ZNF316: variants seen among roughly 807,000 people sequenced by gnomAD.
The protein encoded by ZNF316 is zinc finger protein 316.
Under a neutral mutation model 75.6 loss-of-function variants are expected in ZNF316, and 23 were observed. The observed-to-expected ratio is 0.30, with a 90% confidence interval of 0.22 to 0.43. ZNF316 has a LOEUF of 0.43. ZNF316 is among the 20% of genes least tolerant of loss of function. The pLI is 1.00. For missense variants in ZNF316, 1,266 were observed against 1,409.4 expected (o/e 0.90, Z 1.63); for synonymous variants, 827 against 666.2 (o/e 1.24, Z -3.72).
chr7:6,649,018 G>A lies in ZNF316; in HGVS notation c.707-3285G>A, dbSNP rs892242051. On this transcript the variant is annotated intron_variant, in intron 8 of 8. Coordinates refer to ENST00000382252, the MANE Select transcript of ZNF316 (RefSeq NM_001278559.2). ...ATTCCCTTGCACCCAGCCTGCTGGG[G>A]TGGTCTCCCTCTCCATCAGCTCCTG... Among the ~76,000 whole-genome samples the A allele has an allele frequency of 1.2e-4, 18 of 152,264 alleles. 2 individuals are homozygous for A. The highest frequency in any genetic ancestry group is 5.2e-4 in the Admixed American group (8 of 15,298).
At position 6,654,006 on chromosome 7, in the gene ZNF316, G is replaced by T. The variant is rs1779569589; in HGVS notation, c.2410G>T (p.Ala804Ser). Residue 804 changes from alanine (A) to serine (S), a missense_variant, in exon 9 of 9, where the codon GCG becomes TCG. Transcript: ENST00000382252. ...GRAHTGERPYACGECGRRFGQ... is the reference protein window; with the variant it reads ...GRAHTGERPYSCGECGRRFGQ... ...CGCGCACACCGGGGAGCGGCCTTAC[G>T]CGTGTGGAGAGTGCGGCCGGCGCTT... is the stretch of plus-strand genomic sequence containing the variant. 1.7e-6 allele frequency: 2 copies of T among 1,187,098 alleles called. No individual in the cohort carries two copies. Among genetic ancestry groups the T allele is most frequent in the Non-Finnish European group, 2.1e-6 (2 of 959,764 alleles). 73.5% of individuals were successfully genotyped at this position (1,187,098 alleles called of 1,614,324 possible).
intron 8 of ZNF316, 136 bp from the exon 9 acceptor site, chr7:6,652,164 AAGG>A (rs1779518115): frequency 1.3e-6 from 1 of 786,454 alleles, no homozygotes. Flanking sequence ...CACTTGGTGA[AAGG>A]AGGTGCCCCG....
At chr7:6,646,227 A>G (rs1169650571) in intron 8 of ZNF316, among the ~76,000 whole-genome samples, 1 of 152,096 alleles carries the variant, frequency 6.6e-6, no homozygotes, top group Non-Finnish European at 1.5e-5. Flanking sequence ...TCGTGCCGCC[A>G]TTCTCCAGAT....
In ZNF316 at chr7:6,657,329, A is replaced by G. The variant is rs1324562177; in HGVS notation, c.*2718A>G. Reference sequence around the variant, plus strand: ...AATATTTCAAAAAAAAAAAAAAAAAAAAAAAAAAAGCCGGGCATAGTGGTA... The same window carrying G: ...AATATTTCAAAAAAAAAAAAAAAAAGAAAAAAAAAGCCGGGCATAGTGGTA... On this transcript the variant is annotated 3_prime_UTR_variant, in exon 9 of 9. Coordinates refer to ENST00000382252, the MANE Select transcript of ZNF316 (RefSeq NM_001278559.2). Among the ~76,000 whole-genome samples the G allele has an allele frequency of 6.6e-6, 1 of 151,074 alleles. No homozygotes were observed. The highest frequency in any genetic ancestry group is 1.5e-5 in the Non-Finnish European group (1 of 67,718).
Position 6,657,224 on chromosome 7 carries a change from G to A in ZNF316, c.*2613G>A, listed in dbSNP as rs888174705. Among the ~76,000 whole-genome samples the A allele has an allele frequency of 6.8e-6, 1 of 146,200 alleles. No individual in the cohort carries two copies. The highest frequency in any genetic ancestry group is 1.5e-5 in the Non-Finnish European group (1 of 67,304). On this transcript the variant is annotated 3_prime_UTR_variant, in exon 9 of 9. Coordinates refer to ENST00000382252, the MANE Select transcript of ZNF316 (RefSeq NM_001278559.2). ...TTGGCCAGGCTGGTCTTGAGCTCCT[G>A]ATCTTGTGATCTGCCTGTCTTGGCC...
At position 6,643,096 on chromosome 7, in the gene ZNF316, G is replaced by A. The variant is rs1008998947; in HGVS notation, c.465+23G>A. ...CAGGTGAGCCGCCCTCTCCGTTTGG[G>A]GCTTGGGTAACCTGGGCAGGGTTTC... is the stretch of plus-strand genomic sequence containing the variant. On this transcript the variant is annotated intron_variant, in intron 6 of 8. Transcript: ENST00000382252. 10 of 1,233,154 alleles carry A rather than the reference G, an allele frequency of 8.1e-6. No homozygotes were observed. In the African/African-American group the frequency reaches 1.2e-4, roughly 15 times the overall value. 76.4% of individuals were successfully genotyped at this position (1,233,154 alleles called of 1,614,324 possible). A position where few individuals can be genotyped will look rare whatever the true frequency, so the allele number is the denominator to read the frequency against.
Position 6,653,539 on chromosome 7 carries a change from T to C in ZNF316, c.1943T>C (p.Leu648Pro). ...GPLSLVEGTG[L>P]ACDPFGGGGA... ...CTCTCCCTGGTGGAGGGTACCGGGCTGGCGTGCGACCCTTTCGGCGGCGGC... is the reference window on the plus strand; with the variant it reads ...CTCTCCCTGGTGGAGGGTACCGGGCCGGCGTGCGACCCTTTCGGCGGCGGC... The change falls in exon 9 of 9, where the codon CTG becomes CCG. Residue 648 changes from leucine to proline, a missense_variant. Leu to Pro is a moderately conservative substitution (Grantham distance 98). Around this residue, in one of 3 missense-constraint regions of ZNF316, gnomAD observed 961 missense variants for 990.9 expected, o/e 0.97. Transcript: ENST00000382252. The C allele has an allele frequency of 8.3e-7, 1 of 1,209,988 alleles. No homozygotes were observed. Among genetic ancestry groups the C allele is most frequent in the Non-Finnish European group, 1.0e-6 (1 of 974,744 alleles). The allele number at this position is 1,209,988 out of a possible 1,614,324, so 75.0% of individuals were successfully genotyped here.
At chr7:6,638,517 T>G (rs1779258897) in intron 2 of ZNF316, among the ~76,000 whole-genome samples, 1 of 152,206 alleles carries the variant, frequency 6.6e-6, no homozygotes, top group African/African-American at 2.4e-5. Flanking sequence ...CTATCAACTT[T>G]CAAGCTTTGC....
In ZNF316 at chr7:6,639,768, A is replaced by G. The variant is rs551917023; in HGVS notation, c.-167+627A>G. Among the ~76,000 whole-genome samples the G allele has an allele frequency of 6.6e-6, 1 of 152,268 alleles. No individual in the cohort carries two copies. The highest frequency in any genetic ancestry group is 2.1e-4 in the South Asian group (1 of 4,830). ...GAGAAAAGCCCTCCTCTGGGCCTCA[A>G]GTGGGTGGCAGTTGGGAAACCGTTG... is the stretch of plus-strand genomic sequence containing the variant. On this transcript the variant is annotated intron_variant, in intron 3 of 8. Coordinates refer to ENST00000382252, the MANE Select transcript of ZNF316 (RefSeq NM_001278559.2). This position sits in a 1 kb window ranked among gnomAD's most constrained non-coding sequence, Gnocchi z 4.2.
chr7:6,646,055 A>C (rs910967942), intron 8 of ZNF316, among the ~76,000 whole-genome samples: 1 of 151,106 alleles, frequency 6.6e-6, no homozygotes, highest in African/African-American at 2.4e-5. Context: ...TGAGAACAGC[A>C]TGGGGGGAAA....
At position 6,654,593 on chromosome 7, in the gene ZNF316, C is replaced by T; in HGVS notation, c.2997C>T (p.Tyr999=). ...CGTTCGCCGGGCCCTCGGGCGCCTA[C>T]CGGGAGGGCGTCCTGTGAGGGGCCC... ...QAAFAGPSGA[Y]REGVL is the part of the protein sequence containing the mutation. Residue 999 remains tyrosine, a synonymous_variant, in exon 9 of 9, where the codon TAC becomes TAT. Transcript: ENST00000382252. The T allele has an allele frequency of 4.2e-6, 5 of 1,186,312 alleles. No homozygotes were observed. The highest frequency in any genetic ancestry group is 3.2e-5 in the African/African-American group (2 of 62,384). 73.5% of individuals were successfully genotyped at this position (1,186,312 alleles called of 1,614,324 possible).
At position 6,656,613 on chromosome 7, in the gene ZNF316, C is replaced by T. The variant is rs1779632056; in HGVS notation, c.*2002C>T. ...CCCAGGCCAGTGTGGCCCCGTGCTG[C>T]CCATGCCCACCGTATTCCTTGGTGG... On this transcript the variant is annotated 3_prime_UTR_variant, in exon 9 of 9. Coordinates refer to ENST00000382252, the MANE Select transcript of ZNF316 (RefSeq NM_001278559.2). Among the ~76,000 whole-genome samples, 2 of 152,358 alleles carry T rather than the reference C, an allele frequency of 1.3e-5. No homozygotes were observed. The highest frequency in any genetic ancestry group is 4.1e-4 in the South Asian group (2 of 4,830).
At chr7:6,641,302 G>A (rs1779307944) in intron 3 of ZNF316, among the ~76,000 whole-genome samples, 1 of 152,216 alleles carries the variant, frequency 6.6e-6, no homozygotes, top group African/African-American at 2.4e-5. Flanking sequence ...CTGGATTCTG[G>A]GCTTGGCTTG....
At chr7:6,641,731 G>T (rs1015960873) in intron 3 of ZNF316, 94 bp from the exon 4 acceptor site, 1 of 152,454 alleles carries the variant, frequency 6.6e-6, no homozygotes, top group South Asian at 2.1e-4. Context: ...GATGAGCCGT[G>T]TGTCCACCAT....
rs1431044811 is a variant in ZNF316, at chr7:6,657,700, A to T, written c.*3089A>T. Among the ~76,000 whole-genome samples, 1 of 151,916 alleles carries T rather than the reference A, an allele frequency of 6.6e-6. No homozygotes were observed. The highest frequency in any genetic ancestry group is 1.5e-5 in the Non-Finnish European group (1 of 68,010). On this transcript the variant is annotated 3_prime_UTR_variant, in exon 9 of 9. Coordinates refer to ENST00000382252, the MANE Select transcript of ZNF316 (RefSeq NM_001278559.2). ...TGTCTCTATAAAAAATACAAAAATT[A>T]GCTGGGTGTGGTGGCGCACGTCTAT...
chr7:6,652,576 T>C lies in ZNF316; in HGVS notation c.980T>C (p.Leu327Pro), dbSNP rs1779527781. ...GGCCGGGAGCCGGGTGCGAACCTGC[T>C]GTCGCCCTGGGCGTTCCCCGCCGCA... ...LPGREPGANL[L>P]SPWAFPAAVA... Residue 327 changes from leucine (L) to proline (P), a missense_variant, in exon 9 of 9, where the codon CTG (leucine) becomes CCG (proline). Physicochemically the swap from Leu to Pro is moderately conservative, Grantham distance 98. This residue lies in a region of ZNF316 where 961 missense variants were observed against 990.9 expected (regional missense o/e 0.97). Coordinates refer to ENST00000382252, the MANE Select transcript of ZNF316 (RefSeq NM_001278559.2). 8 of 1,230,714 alleles carry C rather than the reference T, an allele frequency of 6.5e-6. No individual in the cohort carries two copies. The highest frequency in any genetic ancestry group is 6.2e-4 in the Middle Eastern group (2 of 3,230). 76.2% of individuals were successfully genotyped at this position (1,230,714 alleles called of 1,614,324 possible). A position where few individuals can be genotyped will look rare whatever the true frequency, so the allele number is the denominator to read the frequency against.
rs533001147 is a variant in ZNF316, at chr7:6,643,334, C to T, written c.465+261C>T. Among the ~76,000 whole-genome samples the T allele has an allele frequency of 5.3e-5, 8 of 152,228 alleles. No homozygotes were observed. In the South Asian group the frequency reaches 1.2e-3, roughly 24 times the overall value. On this transcript the variant is annotated intron_variant, in intron 6 of 8. Transcript: ENST00000382252. ...ACCCACTCAACCGCACTGTGCACAG[C>T]GACTTCAGAGGCCTGGCTCTCCCCC...
rs1779331672 is a variant in ZNF316, at chr7:6,642,682, AGAG to A, written c.280_282del (p.Glu94del). Reference sequence around the variant, plus strand: ...AGGAGGATGTGAAGGAGGTGCTGGCAGAGGAGGAGTGTCCGGCGTTGGGGACCC... The same window carrying A: ...AGGAGGATGTGAAGGAGGTGCTGGCAGAGGAGTGTCCGGCGTTGGGGACCC... On this transcript the variant is annotated inframe_deletion, in exon 5 of 9. Transcript: ENST00000382252. This position sits in a 1 kb window ranked among gnomAD's most constrained non-coding sequence, Gnocchi z 8.1. 1.3e-5 allele frequency: 16 copies of A among 1,235,640 alleles called. No individual in the cohort carries two copies. The highest frequency in any genetic ancestry group is 3.1e-4 in the Middle Eastern group (1 of 3,218). The allele number at this position is 1,235,640 out of a possible 1,614,324, so 76.5% of individuals were successfully genotyped here.
chr7:6,638,617 C>T (rs1395567871), intron 2 of ZNF316, among the ~76,000 whole-genome samples: 2 of 152,008 alleles, frequency 1.3e-5, no homozygotes, highest in Admixed American at 6.5e-5. Flanking sequence ...GCACCGTATC[C>T]TAGAGTGCAG....
Sources: allele counts gnomAD v4.1 joint callset (sites outside exome capture counted in the v4.1 genomes callset), GRCh38; gene constraint gnomAD v4.1.1; regional missense constraint gnomAD v4.1.1; non-coding constraint Gnocchi (gnomAD v3.1); transcripts MANE v1.5; gene names NCBI Gene and HGNC (gene_info 2026-07-23, HGNC 2026-07-21).